Variants in VEPH1 observed in about 807,000 individuals in gnomAD.
The protein encoded by VEPH1 is ventricular zone expressed PH domain containing 1, also known as ventricular zone-expressed PH domain-containing protein homolog 1.
Under a neutral mutation model 85.2 loss-of-function variants are expected in VEPH1, and 80 were observed. The observed-to-expected ratio is 0.94, with a 90% confidence interval of 0.78 to 1.13. The LOEUF (loss-of-function observed/expected upper bound fraction) is 1.13, where lower values mean the gene tolerates loss of function less well. Among genes scored for constraint, VEPH1 ranks in the 50% most tolerant of loss-of-function variants. The pLI is 0.00. For missense variants in VEPH1, 955 were observed against 980.5 expected (o/e 0.97, Z 0.35); for synonymous variants, 297 against 348.0 (o/e 0.85, Z 1.63).
At position 157,416,050 on chromosome 3, in the gene VEPH1, G is replaced by A. The variant is rs150516713; in HGVS notation, c.697-1960C>T. ...CAGGCTGGATTGAAAGCTCCACAAGGTAAAGAATCATCCCTATCTTGTACA... is the reference window on the plus strand; with the variant it reads ...CAGGCTGGATTGAAAGCTCCACAAGATAAAGAATCATCCCTATCTTGTACA... On this transcript the variant is annotated intron_variant, in intron 5 of 13. Transcript: ENST00000362010. Among the ~76,000 whole-genome samples, 465 of 152,190 alleles carry A rather than the reference G, an allele frequency of 3.1e-3. 4 individuals carry two copies. Among genetic ancestry groups the A allele is most frequent in the African/African-American group, 0.011 (444 of 41,556 alleles).
intron 12 of VEPH1, 62 bp downstream of exon 12, chr3:157,286,495 G>A: frequency 7.5e-7 from 1 of 1,326,686 alleles, no homozygotes; most frequent in Non-Finnish European, 1.1e-6. Context: ...GAAAAATGGA[G>A]CTGACAGATC....
intron 1 of VEPH1, 23 bp downstream of exon 1, chr3:157,503,254 G>T (rs1203167719): frequency 6.6e-6 from 1 of 152,162 alleles, no homozygotes. Flanking sequence ...TGAACAAAAG[G>T]TCATGAAAGA....
In VEPH1 at chr3:157,437,717, G is replaced by A. The variant is rs951611323; in HGVS notation, c.530-9229C>T. ...GCGCCGGGGGCTCCCGCAGAGGCCAGGCTGACCAGTGCTCTGGACGAGCTG... is the reference window on the plus strand; with the variant it reads ...GCGCCGGGGGCTCCCGCAGAGGCCAAGCTGACCAGTGCTCTGGACGAGCTG... On this transcript the variant is annotated intron_variant, in intron 4 of 13. Transcript: ENST00000362010. 8.5e-6 allele frequency: 13 copies of A among 1,530,496 alleles called. No homozygotes were observed. The African/African-American group carries it at 1.5e-4, about 18-fold the overall frequency. The allele number at this position is 1,530,496 out of a possible 1,614,324, so 94.8% of individuals were successfully genotyped here. A position where few individuals can be genotyped will look rare whatever the true frequency, so the allele number is the denominator to read the frequency against.
intron 3 of VEPH1, among the ~76,000 whole-genome samples, chr3:157,461,273 A>C (rs1157706947): frequency 6.6e-6 from 1 of 152,132 alleles, no homozygotes; most frequent in Non-Finnish European, 1.5e-5. Context: ...CTACCACATA[A>C]TGTTTTGGTC....
rs138567864 is a variant in VEPH1 at position 157,490,626 on chromosome 3, G to A, written c.138+4586C>T. Reference sequence around the variant, plus strand: ...TAAAATCTGATAAAAGCAAGCACTGGTGAGGATATAAAGCAACTGGAACTT... The same window carrying A: ...TAAAATCTGATAAAAGCAAGCACTGATGAGGATATAAAGCAACTGGAACTT... On this transcript the variant is annotated intron_variant, in intron 2 of 13. Transcript: ENST00000362010. Among the ~76,000 whole-genome samples the A allele has an allele frequency of 5.9e-5, 9 of 152,176 alleles. 1 individual carries two copies. The highest frequency in any genetic ancestry group is 5.9e-4 in the Admixed American group (9 of 15,268).
In VEPH1 at chr3:157,313,705, G is replaced by A; in HGVS notation, c.1926C>T (p.Leu642=). 6.2e-7 allele frequency: 1 copy of A among 1,614,138 alleles called. No homozygotes were observed. Among genetic ancestry groups the A allele is most frequent in the Non-Finnish European group, 8.5e-7 (1 of 1,180,028 alleles). Residue 642 remains leucine, a synonymous_variant, in exon 11 of 14, where the codon CTC becomes CTT. Transcript: ENST00000362010. ...LSIQSHSVQF[L]RALWEKTQAG... is the part of the protein sequence containing the mutation. Reference sequence around the variant, plus strand: ...CCTGGGTCTTCTCCCACAGAGCTCTGAGGAATTGCACAGAATGACTCTGAA... The same window carrying A: ...CCTGGGTCTTCTCCCACAGAGCTCTAAGGAATTGCACAGAATGACTCTGAA...
At chr3:157,268,924 A>AT (rs34199228) in intron 12 of VEPH1, among the ~76,000 whole-genome samples, 1 of 151,918 alleles carries the variant, frequency 6.6e-6, no homozygotes, top group Admixed American at 6.6e-5. Context: ...ATTTTTTAAT[A>AT]TTTTTTTGTA....
intron 2 of VEPH1, chr3:157,489,173 C>T (rs755935508): frequency 4.4e-6 from 2 of 456,378 alleles, no homozygotes; most frequent in South Asian, 3.1e-5. Flanking sequence ...GTTCCCAAAA[C>T]AGGAATAGAA....
At chr3:157,474,570 G>C (rs775271784) in intron 2 of VEPH1, among the ~76,000 whole-genome samples, 1 of 152,156 alleles carries the variant, frequency 6.6e-6, no homozygotes, top group Non-Finnish European at 1.5e-5. Context: ...AATATGCCTA[G>C]TACATAGAGT....
intron 6 of VEPH1, among the ~76,000 whole-genome samples, chr3:157,392,715 A>G (rs917227788): frequency 2.6e-5 from 4 of 152,214 alleles, no homozygotes; most frequent in Non-Finnish European, 4.4e-5. Flanking sequence ...CATGTGGCCT[A>G]CAGGTTGTGG....
chr3:157,389,753 G>A (rs1165173379), intron 6 of VEPH1, among the ~76,000 whole-genome samples: 1 of 152,124 alleles, frequency 6.6e-6, no homozygotes, highest in Non-Finnish European at 1.5e-5. Flanking sequence ...TGGATCTTCT[G>A]TAAAAGGAAA....
chr3:157,424,641 T>C (rs1577622507), intron 5 of VEPH1, among the ~76,000 whole-genome samples: 1 of 152,192 alleles, frequency 6.6e-6, no homozygotes, highest in Non-Finnish European at 1.5e-5. Context: ...GTGACGCTTG[T>C]TATGTTTTAG....
intron 7 of VEPH1, among the ~76,000 whole-genome samples, chr3:157,369,189 A>AAAC (rs1727157085): frequency 7.0e-6 from 1 of 143,118 alleles, no homozygotes; most frequent in Non-Finnish European, 1.5e-5. Context: ...TGAAAAAAAA[A>AAAC]AAAAAAAAAA....
chr3:157,362,314 A>AGC (rs1401313977), intron 9 of VEPH1, among the ~76,000 whole-genome samples: 2 of 152,212 alleles, frequency 1.3e-5, no homozygotes, highest in African/African-American at 4.8e-5. Flanking sequence ...TACAGGCATG[A>AGC]GCCACTGCGC....
At chr3:157,301,380 T>A (rs537780497) in intron 11 of VEPH1, among the ~76,000 whole-genome samples, 4 of 152,158 alleles carry the variant, frequency 2.6e-5, no homozygotes, top group African/African-American at 9.7e-5. Context: ...TGTTTTGTTT[T>A]TTCCTGGGCC....
intron 5 of VEPH1, 86 bp from the exon 6 acceptor site, chr3:157,414,176 T>C: frequency 9.6e-7 from 1 of 1,046,118 alleles, no homozygotes; most frequent in Non-Finnish European, 1.4e-6. Flanking sequence ...GAAAGCAAAC[T>C]TTTTTTGCAT....
At chr3:157,354,958 C>G (rs1314575069) in intron 9 of VEPH1, among the ~76,000 whole-genome samples, 1 of 152,158 alleles carries the variant, frequency 6.6e-6, no homozygotes, top group East Asian at 1.9e-4. Context: ...TCCCTGCCTA[C>G]ATTGAACTAT....
chr3:157,295,286 A>G (rs1717982741), intron 11 of VEPH1, among the ~76,000 whole-genome samples: 1 of 152,040 alleles, frequency 6.6e-6, no homozygotes, highest in Non-Finnish European at 1.5e-5. Flanking sequence ...CATATCCTCA[A>G]TTTCACTAGG....
intron 9 of VEPH1, among the ~76,000 whole-genome samples, chr3:157,342,300 A>G (rs1220615938): frequency 6.6e-6 from 1 of 152,192 alleles, no homozygotes; most frequent in East Asian, 1.9e-4. Flanking sequence ...GCAGAGACAC[A>G]CATAGGCTCA....
Sources: gnomAD v4.1 joint callset for allele counts (sites outside exome capture counted in the v4.1 genomes callset) on GRCh38, gnomAD v4.1.1 for gene constraint, MANE v1.5 for transcripts, NCBI Gene and HGNC (gene_info 2026-07-23, HGNC 2026-07-21) for gene names.